The following ZFYVE26 variants were observed in gnomAD, a reference collection of about 807,000 sequenced individuals.
ZFYVE26 encodes the protein zinc finger FYVE domain-containing protein 26.
ZFYVE26 carries 181 observed loss-of-function variants against 276.5 expected under a neutral mutation model. The observed-to-expected ratio is 0.65, with a 90% CI of 0.58 to 0.74. The LOEUF is 0.74. Ranked by LOEUF, ZFYVE26 falls within the 30% of genes least tolerant of loss-of-function variation. The pLI is 0.00. For missense variants in ZFYVE26, 2,821 were observed against 3,097.9 expected (o/e 0.91, Z 2.12); for synonymous variants, 1,129 against 1,203.1 (o/e 0.94, Z 1.27).
At chr14:67,756,712 C>T (rs958540370) in intron 35 of ZFYVE26, among the ~76,000 whole-genome samples, 4 of 152,120 alleles carry the variant, frequency 2.6e-5, no homozygotes, top group Non-Finnish European at 4.4e-5. Context: ...TTCGGAGGAA[C>T]CTACACTCTT....
At chr14:67,788,832 C>T (rs2039731467) in intron 16 of ZFYVE26, among the ~76,000 whole-genome samples, 1 of 152,192 alleles carries the variant, frequency 6.6e-6, no homozygotes, top group East Asian at 1.9e-4. Context: ...GTAGCAAGGA[C>T]AGGTGTGGGG....
chr14:67,812,579 A>G (rs540028283), intron 3 of ZFYVE26, among the ~76,000 whole-genome samples: 13 of 152,358 alleles, frequency 8.5e-5, no homozygotes, highest in African/African-American at 3.1e-4. Flanking sequence ...AGGAACTAAA[A>G]TAGTCCCACA....
Position 67,789,725 on chromosome 14 carries a change from T to G in ZFYVE26, c.2756-127A>C, listed in dbSNP as rs962909530. ...TGCACAGGGTATCTTTCATGTATAT[T>G]AGCACTATCATTATGGCCCACTCTT... On this transcript the variant is annotated intron_variant, in intron 15 of 41. Coordinates refer to ENST00000347230, the MANE Select transcript of ZFYVE26 (RefSeq NM_015346.4). 4.9e-6 allele frequency: 6 copies of G among 1,231,532 alleles called. No individual in the cohort carries two copies. In the South Asian group the frequency reaches 5.1e-5, roughly 10 times the overall value. The allele number at this position is 1,231,532 out of a possible 1,614,324, so 76.3% of individuals were successfully genotyped here.
In ZFYVE26 at chr14:67,775,080, C is replaced by T; in HGVS notation, c.5256G>A (p.Gln1752=). The change falls in exon 27 of 42, where the codon CAG becomes CAA. Residue 1752 remains glutamine, a synonymous_variant. Transcript: ENST00000347230. The part of the protein sequence containing the change: ...SVIHLQEIVH[Q]AADPETLPRS... ...TAGGGAGGGTCTCGGGATCTGCAGCCTGGTGGACAATTTCTTGGAGGTGAA... is the reference window on the plus strand; with the variant it reads ...TAGGGAGGGTCTCGGGATCTGCAGCTTGGTGGACAATTTCTTGGAGGTGAA... 1 of 1,611,792 alleles carries T rather than the reference C, an allele frequency of 6.2e-7. No individual in the cohort carries two copies. Among genetic ancestry groups the T allele is most frequent in the Non-Finnish European group, 8.5e-7 (1 of 1,179,394 alleles).
chr14:67,753,588 C>T (rs2038703057), intron 39 of ZFYVE26, 119 bp downstream of exon 39: 3 of 1,085,710 alleles, frequency 2.8e-6, no homozygotes, highest in Admixed American at 4.0e-5. Context: ...TGATTTCATC[C>T]CTAATGTGCA....
chr14:67,778,522 G>T (rs1406197781), intron 23 of ZFYVE26, among the ~76,000 whole-genome samples: 3 of 152,186 alleles, frequency 2.0e-5, no homozygotes, highest in African/African-American at 7.2e-5. Flanking sequence ...AAAGGACATA[G>T]TCACCCATGC....
At chr14:67,767,465 C>T (rs1412432009) in intron 31 of ZFYVE26, among the ~76,000 whole-genome samples, 4 of 151,974 alleles carry the variant, frequency 2.6e-5, no homozygotes, top group Admixed American at 2.6e-4. Context: ...ACACTCCTAC[C>T]ATTCTTCCAA....
chr14:67,809,865 A>G (rs555025094), intron 3 of ZFYVE26, among the ~76,000 whole-genome samples: 20 of 146,496 alleles, frequency 1.4e-4, no homozygotes, highest in Admixed American at 1.1e-3. Flanking sequence ...GCTCATTGCA[A>G]CCTCCGCCTC....
At position 67,793,263 on chromosome 14, in the gene ZFYVE26, ACAAACAAACAAACAAG is replaced by A. The variant is rs1228086238; in HGVS notation, c.2553+329_2553+344del. 7.3e-3 allele frequency among the ~76,000 whole-genome samples: 1,104 copies of A among 152,136 alleles called. 10 individuals are homozygous for A. Among genetic ancestry groups the A allele is most frequent in the African/African-American group, 0.026 (1,069 of 41,470 alleles). The stretch of plus-strand genomic sequence containing the variant: ...CAGAGCAAGACTCTGTCTCAAACAA[ACAAACAAACAAACAAG>A]CAAACAAACAAAAACCCATGTATAT... On this transcript the variant is annotated intron_variant, in intron 14 of 41. Transcript: ENST00000347230.
At position 67,807,602 on chromosome 14, in the gene ZFYVE26, G is replaced by T. The variant is rs144930990; in HGVS notation, c.682C>A (p.Pro228Thr). 5.0e-6 allele frequency: 8 copies of T among 1,614,066 alleles called. No homozygotes were observed. The highest frequency in any genetic ancestry group is 6.8e-6 in the Non-Finnish European group (8 of 1,180,028). The change falls in exon 5 of 42, where the codon CCC becomes ACC. Residue 228 changes from proline (P) to threonine (T), a missense_variant. By Grantham distance (38) the Pro-to-Thr change is conservative (BLOSUM62 -1). Coordinates refer to ENST00000347230, the MANE Select transcript of ZFYVE26 (RefSeq NM_015346.4). ...AACTCAACCCCAAGTGGTTCTGCGG[G>T]GCAACGCAGAGTCCGCAGGGCTCCA... ...IYGALRTLRC[P>T]AEPLGVELHL... is the part of the protein sequence containing the mutation.
chr14:67,784,569 T>C (rs982307563), intron 19 of ZFYVE26, 133 bp from the exon 20 acceptor site: 10 of 802,488 alleles, frequency 1.2e-5, no homozygotes, highest in African/African-American at 6.8e-5. Flanking sequence ...TAATTCATTC[T>C]AGGTAAAGGG....
intron 22 of ZFYVE26, 99 bp from the exon 23 acceptor site, chr14:67,780,444 T>C (rs1216419223): frequency 9.3e-7 from 1 of 1,079,162 alleles, no homozygotes; most frequent in Non-Finnish European, 1.4e-6. Context: ...CCTAGATCTC[T>C]GCCCCAAAGT....
Position 67,752,366 on chromosome 14 carries a change from G to A in ZFYVE26, c.7349C>T (p.Ala2450Val), listed in dbSNP as rs2038671321. Residue 2450 changes from alanine to valine, a missense_variant, in exon 40 of 42, where the codon GCG (alanine) becomes GTG (valine). Ala to Val is a moderately conservative substitution (Grantham distance 64). Transcript: ENST00000347230. ...GDTILLNCLEAFKRIPPQELE... is the reference protein window; with the variant it reads ...GDTILLNCLEVFKRIPPQELE... ...TACCTGGGGCGGAATTCTCTTGAACGCTTCCAGGCAGTTGAGGAGGATGGT... is the reference window on the plus strand; with the variant it reads ...TACCTGGGGCGGAATTCTCTTGAACACTTCCAGGCAGTTGAGGAGGATGGT... 8 of 1,611,672 alleles carry A rather than the reference G, an allele frequency of 5.0e-6. No individual in the cohort carries two copies. Among genetic ancestry groups the A allele is most frequent in the East Asian group, 2.2e-5 (1 of 44,818 alleles).
Position 67,750,946 on chromosome 14 carries a change from T to C in ZFYVE26, c.7416+106A>G, listed in dbSNP as rs551891958. 4.9e-4 allele frequency: 677 copies of C among 1,384,574 alleles called. 6 individuals carry two copies. In the South Asian group the frequency reaches 7.6e-3, roughly 15 times the overall value. 85.8% of individuals were successfully genotyped at this position (1,384,574 alleles called of 1,614,324 possible). ...ACCTCTGATAATACAGAAGCTGAGA[T>C]ACGGGTTGTATGGAACTATTGTGGG... On this transcript the variant is annotated intron_variant, in intron 41 of 41. Transcript: ENST00000347230.
chr14:67,799,671 G>A, intron 10 of ZFYVE26: 2 of 1,226,226 alleles, frequency 1.6e-6, no homozygotes, highest in Non-Finnish European at 2.4e-6. Flanking sequence ...CAAGGTGCTG[G>A]CAAGATTTGA....
intron 32 of ZFYVE26, among the ~76,000 whole-genome samples, chr14:67,765,058 CATA>C (rs1223685156): frequency 3.3e-5 from 5 of 151,748 alleles, no homozygotes; most frequent in Non-Finnish European, 7.4e-5. Flanking sequence ...ATCCTTTTCT[CATA>C]ATTAGGTAGA....
intron 14 of ZFYVE26, among the ~76,000 whole-genome samples, chr14:67,793,396 C>T (rs1466811709): frequency 1.3e-5 from 2 of 152,150 alleles, no homozygotes; most frequent in Non-Finnish European, 2.9e-5. Flanking sequence ...CTTTTAAAAA[C>T]ACTGCTTATG....
chr14:67,756,474 C>A, intron 35 of ZFYVE26: 1 of 378,644 alleles, frequency 2.6e-6, no homozygotes, highest in Non-Finnish European at 4.9e-6. Flanking sequence ...CCAGTGACCA[C>A]TAAACTGTAA....
chr14:67,747,105 G>A lies in ZFYVE26; in HGVS notation c.*1331C>T, dbSNP rs1218663598. 2.0e-5 allele frequency: 3 copies of A among 152,612 alleles called. No homozygotes were observed. Among genetic ancestry groups the A allele is most frequent in the African/African-American group, 7.2e-5 (3 of 41,440 alleles). The allele number at this position is 152,612 out of a possible 1,614,324, so 9.5% of individuals were successfully genotyped here. A position where few individuals can be genotyped will look rare whatever the true frequency, so the allele number is the denominator to read the frequency against. On this transcript the variant is annotated 3_prime_UTR_variant, in exon 42 of 42. Coordinates refer to ENST00000347230, the MANE Select transcript of ZFYVE26 (RefSeq NM_015346.4). ...GGATGGGACCAATAGGCTGAGCTCT[G>A]GCCAGTGAGAGGTTCAGAGCTGCAG...
Sources: gnomAD v4.1 joint callset for allele counts (sites outside exome capture counted in the v4.1 genomes callset) on GRCh38, gnomAD v4.1.1 for gene constraint, MANE v1.5 for transcripts, NCBI Gene and HGNC (gene_info 2026-07-23, HGNC 2026-07-21) for gene names.